Variants in NEGR1 observed in about 807,000 individuals in gnomAD.
The protein encoded by NEGR1 is IgLON family member 4.
In NEGR1, 10 loss-of-function variants were observed where a neutral mutation model predicts 40.9. That is an observed-to-expected ratio of 0.24 (90% CI 0.15 to 0.42). The LOEUF (loss-of-function observed/expected upper bound fraction) is 0.42, where lower values mean the gene tolerates loss of function less well. Among genes scored for constraint, NEGR1 ranks in the 10% least tolerant of loss-of-function variants. NEGR1 has a pLI of 1.00. For missense variants in NEGR1, 352 were observed against 438.9 expected (o/e 0.80, Z 1.77); for synonymous variants, 185 against 166.8 (o/e 1.11, Z -0.84).
At chr1:71,923,745 T>C (rs573191594) in intron 2 of NEGR1, among the ~76,000 whole-genome samples, 5 of 152,230 alleles carry the variant, frequency 3.3e-5, no homozygotes, top group African/African-American at 1.2e-4. Flanking sequence ...TCCTCTATCA[T>C]TAAATCCAGC....
chr1:71,803,573 A>G (rs997463917), intron 2 of NEGR1, among the ~76,000 whole-genome samples: 1 of 152,158 alleles, frequency 6.6e-6, no homozygotes. Flanking sequence ...CTCAGGGGCT[A>G]TAACTTGTGG....
chr1:71,894,172 T>C (rs890882757), intron 2 of NEGR1, among the ~76,000 whole-genome samples: 3 of 139,992 alleles, frequency 2.1e-5, no homozygotes, highest in African/African-American at 8.0e-5. Context: ...TGTATACATA[T>C]GTAACTAACC....
chr1:72,050,885 G>C (rs745686652), intron 1 of NEGR1, among the ~76,000 whole-genome samples: 1 of 151,466 alleles, frequency 6.6e-6, no homozygotes, highest in Non-Finnish European at 1.5e-5. Flanking sequence ...ACTTAGAGTA[G>C]AACAGAAGTT....
chr1:71,703,846 G>C (rs539465205), intron 3 of NEGR1, among the ~76,000 whole-genome samples: 1 of 151,814 alleles, frequency 6.6e-6, no homozygotes, highest in Admixed American at 6.6e-5. Flanking sequence ...ATAAATATTG[G>C]GGGGGGTCCC....
At chr1:72,055,016 T>C (rs1445048463) in intron 1 of NEGR1, among the ~76,000 whole-genome samples, 1 of 151,152 alleles carries the variant, frequency 6.6e-6, no homozygotes, top group East Asian at 1.9e-4. Flanking sequence ...GCACGTCTCA[T>C]CTTCAAAGCT....
chr1:71,644,058 G>A (rs1018859996), intron 4 of NEGR1, among the ~76,000 whole-genome samples: 1 of 151,880 alleles, frequency 6.6e-6, no homozygotes, highest in Non-Finnish European at 1.5e-5. Context: ...GTAATGGACA[G>A]GTCCTTGCTG....
At chr1:71,786,509 T>TA (rs1422530617) in intron 2 of NEGR1, among the ~76,000 whole-genome samples, 3 of 152,142 alleles carry the variant, frequency 2.0e-5, no homozygotes, top group African/African-American at 4.8e-5. Flanking sequence ...GAAACATGTC[T>TA]AAAAAAGGTT....
At chr1:71,542,967 C>A (rs1647764230) in intron 6 of NEGR1, among the ~76,000 whole-genome samples, 1 of 151,520 alleles carries the variant, frequency 6.6e-6, no homozygotes. Flanking sequence ...AAGGTGAATA[C>A]ATACATACAC....
chr1:71,412,005 A>G (rs1428770282), intron 6 of NEGR1, among the ~76,000 whole-genome samples: 1 of 152,136 alleles, frequency 6.6e-6, no homozygotes, highest in Non-Finnish European at 1.5e-5. Context: ...TGTCTAAAAA[A>G]AAAAAGTAAA....
At chr1:72,049,397 T>A (rs1647036006) in intron 1 of NEGR1, among the ~76,000 whole-genome samples, 1 of 151,514 alleles carries the variant, frequency 6.6e-6, no homozygotes, top group Non-Finnish European at 1.5e-5. Flanking sequence ...TTAGAAAGAA[T>A]CTGAGGATGT....
At chr1:71,802,486 C>G (rs1049454246) in intron 2 of NEGR1, among the ~76,000 whole-genome samples, 7 of 152,130 alleles carry the variant, frequency 4.6e-5, no homozygotes, top group Non-Finnish European at 8.8e-5. Context: ...GCACCATAGG[C>G]CCAGAGCATG....
chr1:71,761,691 C>T (rs879551341), intron 3 of NEGR1, among the ~76,000 whole-genome samples: 2 of 151,888 alleles, frequency 1.3e-5, no homozygotes, highest in Non-Finnish European at 2.9e-5. Flanking sequence ...TTATTAAACT[C>T]AGTATTCTAA....
At chr1:71,998,899 TAC>T (rs568730859) in intron 1 of NEGR1, among the ~76,000 whole-genome samples, 6 of 151,854 alleles carry the variant, frequency 4.0e-5, no homozygotes, top group Non-Finnish European at 8.8e-5. Flanking sequence ...CTGTATATAA[TAC>T]ACACACACTT....
chr1:71,799,265 A>G (rs1219142555), intron 2 of NEGR1, among the ~76,000 whole-genome samples: 2 of 151,532 alleles, frequency 1.3e-5, no homozygotes, highest in East Asian at 3.9e-4. Flanking sequence ...TCATTGTTCA[A>G]CTCCCACTTA....
intron 4 of NEGR1, among the ~76,000 whole-genome samples, chr1:71,694,246 CGT>C (rs143959665): frequency 1.5e-4 from 22 of 149,132 alleles, no homozygotes; most frequent in African/African-American, 2.9e-4. Context: ...TTTTTTTTCT[CGT>C]GTGTGTGTGT....
intron 2 of NEGR1, among the ~76,000 whole-genome samples, chr1:71,850,278 CCTGAG>C (rs1377815572): frequency 1.3e-5 from 2 of 152,108 alleles, no homozygotes; most frequent in African/African-American, 4.8e-5. Flanking sequence ...ATCTCAGCCT[CCTGAG>C]TAGCTGGGAC....
chr1:72,008,277 C>T (rs1446765073), intron 1 of NEGR1, among the ~76,000 whole-genome samples: 1 of 152,096 alleles, frequency 6.6e-6, no homozygotes, highest in Admixed American at 6.6e-5. Context: ...AATTTTCCTT[C>T]TAGCAGCTCT....
chr1:72,113,129 A>G (rs1297602765), intron 1 of NEGR1, among the ~76,000 whole-genome samples: 1 of 151,774 alleles, frequency 6.6e-6, no homozygotes, highest in Non-Finnish European at 1.5e-5. Context: ...AAGCACAGTG[A>G]GCACTAGACC....
At chr1:72,152,822 G>T (rs1651174889) in intron 1 of NEGR1, among the ~76,000 whole-genome samples, 1 of 151,904 alleles carries the variant, frequency 6.6e-6, no homozygotes, top group Non-Finnish European at 1.5e-5. Flanking sequence ...ATGAAATTAT[G>T]TCCTTTGCAG....
Sources: allele counts gnomAD v4.1 joint callset (sites outside exome capture counted in the v4.1 genomes callset), GRCh38; gene constraint gnomAD v4.1.1; transcripts MANE v1.5; gene names NCBI Gene and HGNC (gene_info 2026-07-23, HGNC 2026-07-21).